THTPA: variants seen among roughly 807,000 people sequenced by gnomAD.
THTPA encodes the protein thiamine triphosphatase.
THTPA carries 16 observed loss-of-function variants against 16.5 expected under a neutral mutation model. The ratio of observed to expected loss-of-function variants is 0.97; its 90% confidence interval spans 0.66 to 1.47. The LOEUF (loss-of-function observed/expected upper bound fraction) is 1.47. Ranked by LOEUF, THTPA falls within the 40% of genes most tolerant of loss-of-function variation. The probability of loss-of-function intolerance (pLI) is 0.00; values close to 1 mark genes in which losing one functional copy is unlikely to be tolerated. For missense variants in THTPA, 281 were observed against 280.9 expected (o/e 1.00, Z 0.00); for synonymous variants, 110 against 115.5 (o/e 0.95, Z 0.30).
chr14:23,532,923 G>A, the THTPA span: 19 of 1,536,212 alleles, frequency 1.2e-5, no homozygotes, highest in South Asian at 5.9e-5. Context: ...TGGTAGAGCA[G>A]CAGCTCCAGG....
At chr14:23,526,538 G>A in the THTPA span, 3 of 1,535,830 alleles carry the variant, frequency 2.0e-6, no homozygotes, top group East Asian at 2.4e-5. Flanking sequence ...TTCAGCTTGG[G>A]CATCAGGTTC....
the THTPA span, chr14:23,527,009 C>T: frequency 1.4e-6 from 2 of 1,467,178 alleles, no homozygotes; most frequent in Non-Finnish European, 9.0e-7. Context: ...TTCACCACCA[C>T]CCCCCACTGC....
the THTPA span, chr14:23,533,543 G>A: frequency 6.5e-7 from 1 of 1,536,260 alleles, no homozygotes; most frequent in Non-Finnish European, 8.7e-7. The surrounding 1 kb of genome is among the most constrained non-coding windows in gnomAD (Gnocchi z 4.8). Flanking sequence ...AGGACATTCT[G>A]CATGTGCTTC....
chr14:23,527,645 G>A, the THTPA span: 1 of 1,536,512 alleles, frequency 6.5e-7, no homozygotes, highest in Non-Finnish European at 8.7e-7. Flanking sequence ...ACCACGTTGT[G>A]AAGGTGGCTA....
chr14:23,540,053 T>A, the THTPA span, among the ~76,000 whole-genome samples: 2 of 152,202 alleles, frequency 1.3e-5, no homozygotes, highest in African/African-American at 2.4e-5. Flanking sequence ...AGTGTCACCA[T>A]CTTGTCTCAC....
At chr14:23,531,233 C>G in the THTPA span, 1 of 414,878 alleles carries the variant, frequency 2.4e-6, no homozygotes, top group Non-Finnish European at 4.0e-6. Flanking sequence ...TCCTCTTCAC[C>G]CTCTTCCTGT....
the THTPA span, among the ~76,000 whole-genome samples, chr14:23,541,792 C>G: frequency 6.0e-5 from 9 of 150,352 alleles, no homozygotes; most frequent in African/African-American, 2.2e-4. Context: ...AGATCCTTTC[C>G]AAGTCATCCC....
At chr14:23,517,058 C>G in the THTPA span, among the ~76,000 whole-genome samples, 3 of 152,140 alleles carry the variant, frequency 2.0e-5, no homozygotes, top group Non-Finnish European at 1.5e-5. Context: ...CAACCTGCTT[C>G]CCCATTAGCT....
the THTPA span, among the ~76,000 whole-genome samples, chr14:23,536,342 G>A: frequency 2.0e-5 from 3 of 152,154 alleles, no homozygotes; most frequent in East Asian, 1.9e-4. Context: ...ATACCCTGAC[G>A]AGGTAAATTC....
the THTPA span, chr14:23,526,936 A>C: frequency 6.5e-7 from 1 of 1,530,850 alleles, no homozygotes; most frequent in Non-Finnish European, 8.7e-7. Flanking sequence ...GGGTGCAGAC[A>C]GCACTTTGGT....
chr14:23,539,507 C>G, the THTPA span, among the ~76,000 whole-genome samples: 7 of 152,054 alleles, frequency 4.6e-5, no homozygotes, highest in African/African-American at 1.7e-4. Context: ...AGGCCCTGAC[C>G]GAGCAAGATG....
chr14:23,523,148 G>A, the THTPA span: 6 of 1,405,020 alleles, frequency 4.3e-6, no homozygotes, highest in African/African-American at 1.4e-5. This position sits in a 1 kb window ranked among gnomAD's most constrained non-coding sequence, Gnocchi z 4.1. Flanking sequence ...GGAAGGGCAT[G>A]TCATTAGAGG....
chr14:23,549,062 C>T, the THTPA span, among the ~76,000 whole-genome samples: 1 of 152,046 alleles, frequency 6.6e-6, no homozygotes, highest in Non-Finnish European at 1.5e-5. Flanking sequence ...GCAATTCCTC[C>T]CTTCCCCCTC....
the THTPA span, chr14:23,531,216 G>A: frequency 1.1e-5 from 4 of 358,754 alleles, no homozygotes; most frequent in African/African-American, 6.3e-5. Context: ...CAGAATCACT[G>A]GGTGGTTCCT....
chr14:23,533,819 A>G, the THTPA span: 1 of 1,543,864 alleles, frequency 6.5e-7, no homozygotes, highest in Non-Finnish European at 8.7e-7. This position sits in a 1 kb window ranked among gnomAD's most constrained non-coding sequence, Gnocchi z 4.8. Flanking sequence ...TTGTAGCCAC[A>G]GTTGTAGCTC....
At chr14:23,521,860 G>C in the THTPA span, 1 of 1,490,782 alleles carries the variant, frequency 6.7e-7, no homozygotes, top group Non-Finnish European at 8.9e-7. Flanking sequence ...AGGTGGGCGG[G>C]GCCAGGGGGT....
In THTPA at chr14:23,556,489, C is replaced by T. The variant is rs1018802553; in HGVS notation, c.-269C>T. 2 of 475,786 alleles carry T rather than the reference C, an allele frequency of 4.2e-6. No individual in the cohort carries two copies. The highest frequency in any genetic ancestry group is 3.7e-5 in the Admixed American group (1 of 26,988). 29.5% of individuals were successfully genotyped at this position (475,786 alleles called of 1,614,324 possible). A position where few individuals can be genotyped will look rare whatever the true frequency, so the allele number is the denominator to read the frequency against. On this transcript the variant is annotated 5_prime_UTR_variant, in exon 1 of 2. Coordinates refer to ENST00000288014, the MANE Select transcript of THTPA (RefSeq NM_024328.6). The stretch of plus-strand genomic sequence containing the variant: ...GCTACCCGGCCTGCTTTCTAGGGGT[C>T]TCTTTGGATTGAGGACATCAGCAGC...
chr14:23,558,546 T>C (rs1882832479), intron 1 of THTPA, 149 bp from the exon 2 acceptor site: 1 of 975,992 alleles, frequency 1.0e-6, no homozygotes, highest in Non-Finnish European at 1.5e-6. Context: ...GGGAGTGGAC[T>C]AGTGTGTTAC....
At chr14:23,530,027 G>C in the THTPA span, 8 of 1,287,604 alleles carry the variant, frequency 6.2e-6, no homozygotes, top group Non-Finnish European at 8.7e-6. Flanking sequence ...TTTGCTCCTT[G>C]AGCACAGACA....
Sources: gnomAD v4.1 joint callset for allele counts (sites outside exome capture counted in the v4.1 genomes callset) on GRCh38, gnomAD v4.1.1 for gene constraint, Gnocchi (gnomAD v3.1) non-coding constraint, MANE v1.5 for transcripts, NCBI Gene and HGNC (gene_info 2026-07-23, HGNC 2026-07-21) for gene names.